The following GALNT2 variants were observed in gnomAD, a reference collection of about 807,000 sequenced individuals.
GALNT2 encodes the protein UDP-GalNAc:polypeptide N-acetylgalactosaminyltransferase 2.
GALNT2 carries 31 observed loss-of-function variants against 81.4 expected under a neutral mutation model. The observed-to-expected ratio is 0.38, with a 90% confidence interval of 0.29 to 0.51. The LOEUF (loss-of-function observed/expected upper bound fraction) is 0.51, where lower values mean the gene tolerates loss of function less well. Among genes scored for constraint, GALNT2 ranks in the 20% least tolerant of loss-of-function variants. The pLI is 0.87. For synonymous variants in GALNT2, 303 were observed against 287.4 expected, an observed-to-expected ratio of 1.05 and a Z score of -0.55; for missense variants, 629 against 765.7, an observed-to-expected ratio of 0.82 and a Z score of 2.11.
intron 1 of GALNT2, among the ~76,000 whole-genome samples, chr1:230,102,193 A>G (rs1306064938): frequency 6.6e-6 from 1 of 152,230 alleles, no homozygotes; most frequent in African/African-American, 2.4e-5. Context: ...GCTTCCTTTC[A>G]AAGTCAGAAA....
chr1:230,149,698 A>G (rs1229078802), intron 1 of GALNT2, among the ~76,000 whole-genome samples: 2 of 152,260 alleles, frequency 1.3e-5, no homozygotes, highest in East Asian at 3.9e-4. Context: ...TTTATGCCTC[A>G]GCCATGTAAA....
chr1:230,215,444 T>C (rs1664359683), intron 3 of GALNT2, among the ~76,000 whole-genome samples: 1 of 152,250 alleles, frequency 6.6e-6, no homozygotes, highest in Non-Finnish European at 1.5e-5. Flanking sequence ...TGCCTTCAAA[T>C]AGATTCTTCA....
intron 2 of GALNT2, among the ~76,000 whole-genome samples, chr1:230,194,630 C>G (rs753704476): frequency 2.0e-4 from 31 of 152,220 alleles, no homozygotes; most frequent in Non-Finnish European, 3.8e-4. Flanking sequence ...TTCAAATGGA[C>G]TGGCCTCCAT....
chr1:230,205,292 C>G (rs944165959), intron 3 of GALNT2, among the ~76,000 whole-genome samples: 1 of 152,144 alleles, frequency 6.6e-6, no homozygotes, highest in African/African-American at 2.4e-5. Context: ...TTCTAGTCAG[C>G]TCTGTTCACC....
intron 3 of GALNT2, among the ~76,000 whole-genome samples, chr1:230,221,532 C>A (rs1023534221): frequency 1.3e-5 from 2 of 152,164 alleles, no homozygotes; most frequent in African/African-American, 4.8e-5. Context: ...GCCTTCTTTT[C>A]CTCCTCTCTC....
intron 1 of GALNT2, among the ~76,000 whole-genome samples, chr1:230,160,943 T>C (rs556266335): frequency 6.6e-6 from 1 of 152,312 alleles, no homozygotes; most frequent in South Asian, 2.1e-4. Context: ...TGCCCTTTCA[T>C]GTTGTGTCTC....
chr1:230,203,344 G>A (rs1302868704), intron 3 of GALNT2, 54 bp downstream of exon 3: 2 of 1,585,072 alleles, frequency 1.3e-6, no homozygotes, highest in African/African-American at 1.3e-5. Flanking sequence ...ACACAAACCA[G>A]TACGTCGCTT....
intron 1 of GALNT2, among the ~76,000 whole-genome samples, chr1:230,159,980 G>T (rs561740331): frequency 2.0e-5 from 3 of 152,134 alleles, no homozygotes; most frequent in Admixed American, 6.5e-5. Context: ...TCTCTGTGGG[G>T]TGTCGTCTGA....
intron 3 of GALNT2, among the ~76,000 whole-genome samples, chr1:230,228,314 A>G (rs1664774685): frequency 6.6e-6 from 1 of 152,072 alleles, no homozygotes; most frequent in Admixed American, 6.5e-5. Context: ...CATCAGGAAA[A>G]GCAAATGGTC....
In GALNT2 at chr1:230,243,053, G is replaced by A. The variant is rs1298575590; in HGVS notation, c.608-253G>A. ...TAAAGGAGACTTCAGTAATGTAAAGGGCCTTTCTCAGAAGACGGTAGTTCT... is the reference window on the plus strand; with the variant it reads ...TAAAGGAGACTTCAGTAATGTAAAGAGCCTTTCTCAGAAGACGGTAGTTCT... On this transcript the variant is annotated intron_variant, in intron 6 of 15. Coordinates refer to ENST00000366672, the MANE Select transcript of GALNT2 (RefSeq NM_004481.5). This position sits in a 1 kb window ranked among gnomAD's most constrained non-coding sequence, Gnocchi z 4.2. Among the ~76,000 whole-genome samples, 3 of 152,270 alleles carry A rather than the reference G, an allele frequency of 2.0e-5. No individual in the cohort carries two copies. The highest frequency in any genetic ancestry group is 6.5e-5 in the Admixed American group (1 of 15,280).
chr1:230,161,277 T>A (rs772743577), intron 1 of GALNT2, among the ~76,000 whole-genome samples: 13 of 152,182 alleles, frequency 8.5e-5, no homozygotes, highest in Non-Finnish European at 1.9e-4. Flanking sequence ...GCTCCTCAAC[T>A]CTCCACATGC....
chr1:230,252,624 A>T (rs968038332), intron 10 of GALNT2, among the ~76,000 whole-genome samples: 1 of 152,118 alleles, frequency 6.6e-6, no homozygotes, highest in African/African-American at 2.4e-5. Context: ...TTTACTGAGT[A>T]ATTATCCTCA....
At chr1:230,137,034 T>A (rs1661571423) in intron 1 of GALNT2, among the ~76,000 whole-genome samples, 1 of 152,226 alleles carries the variant, frequency 6.6e-6, no homozygotes, top group African/African-American at 2.4e-5. Flanking sequence ...AGAGACCGTT[T>A]CCTTGAACCA....
intron 1 of GALNT2, among the ~76,000 whole-genome samples, chr1:230,084,646 C>T (rs982631225): frequency 6.6e-6 from 1 of 152,126 alleles, no homozygotes; most frequent in Admixed American, 6.5e-5. Flanking sequence ...GGGTCTGCCA[C>T]ATGGGGGACC....
intron 3 of GALNT2, among the ~76,000 whole-genome samples, chr1:230,215,135 C>G (rs74143129): frequency 0.075 from 11,389 of 152,204 alleles, 876 homozygotes; most frequent in African/African-American, 0.18. Flanking sequence ...TTCCAGTTCT[C>G]TTTTGCCACT....
At chr1:230,260,321 T>A (rs1012539394) in intron 11 of GALNT2, among the ~76,000 whole-genome samples, 1 of 152,062 alleles carries the variant, frequency 6.6e-6, no homozygotes, top group Non-Finnish European at 1.5e-5. Flanking sequence ...AGATACCAAA[T>A]AAATACCTGA....
chr1:230,120,815 A>T (rs1660994067), intron 1 of GALNT2, among the ~76,000 whole-genome samples: 1 of 152,182 alleles, frequency 6.6e-6, no homozygotes, highest in Non-Finnish European at 1.5e-5. Context: ...ACACATGGCC[A>T]GACACAGCTG....
At chr1:230,242,648 G>A (rs560477890) in intron 6 of GALNT2, among the ~76,000 whole-genome samples, 59 of 152,034 alleles carry the variant, frequency 3.9e-4, no homozygotes, top group African/African-American at 1.3e-3. Flanking sequence ...TCAGCCTCCC[G>A]AGCAGCTAGA....
rs1292772988 is a variant in GALNT2, at chr1:230,271,408, T to C, written c.1441-3037T>C. 1.3e-5 allele frequency among the ~76,000 whole-genome samples: 2 copies of C among 152,030 alleles called. No homozygotes were observed. The highest frequency in any genetic ancestry group is 2.9e-5 in the Non-Finnish European group (2 of 68,008). On this transcript the variant is annotated intron_variant, in intron 14 of 15. Coordinates refer to ENST00000366672, the MANE Select transcript of GALNT2 (RefSeq NM_004481.5). This position sits in a 1 kb window ranked among gnomAD's most constrained non-coding sequence, Gnocchi z 4.2. ...GGCTTTTCCCCCCACACCAAGCAAT[T>C]CTCCAATTCTCCAATTCTCTGCGGA... is the stretch of plus-strand genomic sequence containing the variant.
Sources: gnomAD v4.1 joint callset for allele counts (sites outside exome capture counted in the v4.1 genomes callset) on GRCh38, gnomAD v4.1.1 for gene constraint, Gnocchi (gnomAD v3.1) non-coding constraint, MANE v1.5 for transcripts, NCBI Gene and HGNC (gene_info 2026-07-23, HGNC 2026-07-21) for gene names.